The following DTNB variants were observed in gnomAD, a reference collection of about 807,000 sequenced individuals.
DTNB encodes the protein dystrobrevin beta.
Under a neutral mutation model 90.7 loss-of-function variants are expected in DTNB, and 63 were observed. The observed-to-expected ratio is 0.69, with a 90% CI of 0.57 to 0.86. The LOEUF (loss-of-function observed/expected upper bound fraction) is 0.86. DTNB is among the 40% of genes least tolerant of loss of function. The probability of loss-of-function intolerance (pLI) is 0.00; values close to 1 mark genes in which losing one functional copy is unlikely to be tolerated. For missense variants in DTNB, 744 were observed against 807.1 expected (o/e 0.92, Z 0.95); for synonymous variants, 277 against 286.7 (o/e 0.97, Z 0.34).
chr2:25,543,833 T>C (rs1430816513), intron 8 of DTNB, among the ~76,000 whole-genome samples: 1 of 152,258 alleles, frequency 6.6e-6, no homozygotes, highest in Non-Finnish European at 1.5e-5. Context: ...GTTGTTGCTG[T>C]TGTTAAAGTA....
chr2:25,417,958 G>T (rs955367905), intron 16 of DTNB, among the ~76,000 whole-genome samples: 5 of 152,164 alleles, frequency 3.3e-5, no homozygotes, highest in Non-Finnish European at 5.9e-5. Flanking sequence ...CATGTGATTT[G>T]CTCTGGCCAA....
At chr2:25,533,145 G>A (rs1338059244) in intron 8 of DTNB, among the ~76,000 whole-genome samples, 3 of 151,906 alleles carry the variant, frequency 2.0e-5, no homozygotes, top group African/African-American at 4.8e-5. Flanking sequence ...GCAACGTGGC[G>A]AAACCCGGTC....
chr2:25,469,696 C>G (rs1027528279), intron 10 of DTNB, among the ~76,000 whole-genome samples: 4 of 152,134 alleles, frequency 2.6e-5, no homozygotes, highest in African/African-American at 7.2e-5. Context: ...ATCTGTCTGG[C>G]CTCCCAAAGT....
At chr2:25,606,483 C>A (rs939457024) in intron 5 of DTNB, among the ~76,000 whole-genome samples, 2 of 151,996 alleles carry the variant, frequency 1.3e-5, no homozygotes, top group African/African-American at 4.8e-5. Flanking sequence ...GTTAACTCAT[C>A]GATAAAATGA....
chr2:25,585,599 GAAAAT>G (rs1460860943), intron 6 of DTNB, among the ~76,000 whole-genome samples: 6 of 152,096 alleles, frequency 3.9e-5, no homozygotes, highest in East Asian at 3.9e-4. Context: ...AATAACATGA[GAAAAT>G]AAAATAATTT....
intron 2 of DTNB, among the ~76,000 whole-genome samples, chr2:25,649,158 G>A (rs900703988): frequency 6.6e-6 from 1 of 151,792 alleles, no homozygotes; most frequent in Non-Finnish European, 1.5e-5. Flanking sequence ...GTGCCTGCCA[G>A]CACGCCCAGC....
intron 8 of DTNB, among the ~76,000 whole-genome samples, chr2:25,556,213 A>G (rs1052639271): frequency 7.9e-6 from 1 of 126,138 alleles, no homozygotes; most frequent in Non-Finnish European, 1.6e-5. Flanking sequence ...TAACGCTGCC[A>G]TGATACTCTA....
intron 10 of DTNB, among the ~76,000 whole-genome samples, chr2:25,467,273 T>C (rs571907331): frequency 6.6e-6 from 1 of 151,350 alleles, no homozygotes; most frequent in South Asian, 2.1e-4. Flanking sequence ...CTACTAAATT[T>C]GATGTAATCT....
chr2:25,669,739 G>A (rs896179265), intron 1 of DTNB, among the ~76,000 whole-genome samples: 59 of 152,176 alleles, frequency 3.9e-4, no homozygotes, highest in African/African-American at 1.3e-3. Flanking sequence ...TAATCCCAAC[G>A]CTTTGGGAGG....
At chr2:25,413,806 G>A (rs1352809724) in intron 16 of DTNB, among the ~76,000 whole-genome samples, 1 of 152,200 alleles carries the variant, frequency 6.6e-6, no homozygotes, top group African/African-American at 2.4e-5. Flanking sequence ...GTAATGGGAT[G>A]GCTGGGTCAA....
rs1558710017 is a variant in DTNB, at chr2:25,482,839, TG to T, written c.1035del (p.Met346TrpfsTer32). ...PPRPLTNMND[T>X]MVSHMSSGVP... ...ACTCCAGAGGACATGTGGCTAACCA[TG>T]GTGTCATTCATATTAGTCAGAGGGC... On this transcript the variant is annotated frameshift_variant, in exon 10 of 21. Coordinates refer to ENST00000406818, the MANE Select transcript of DTNB (RefSeq NM_021907.5). LOFTEE classifies it high-confidence loss of function. 6.2e-7 allele frequency: 1 copy of T among 1,612,162 alleles called. No individual in the cohort carries two copies. Among genetic ancestry groups the T allele is most frequent in the South Asian group, 1.1e-5 (1 of 91,016 alleles).
At chr2:25,645,806 T>C (rs1307740678) in intron 2 of DTNB, among the ~76,000 whole-genome samples, 3 of 152,144 alleles carry the variant, frequency 2.0e-5, no homozygotes, top group African/African-American at 4.8e-5. Context: ...AATATTCCAA[T>C]ACCCTCATAT....
intron 8 of DTNB, among the ~76,000 whole-genome samples, chr2:25,564,795 TTTC>T (rs2058771128): frequency 1.3e-5 from 2 of 152,350 alleles, no homozygotes; most frequent in South Asian, 4.1e-4. Context: ...ATGAACCTGT[TTTC>T]TTAATTTCAT....
intron 9 of DTNB, among the ~76,000 whole-genome samples, chr2:25,528,532 A>G (rs2077576280): frequency 6.6e-6 from 1 of 152,244 alleles, no homozygotes. Context: ...AAAATTCAAA[A>G]GAATCTGAGT....
At chr2:25,478,787 G>A (rs2064280765) in intron 10 of DTNB, among the ~76,000 whole-genome samples, 1 of 152,206 alleles carries the variant, frequency 6.6e-6, no homozygotes, top group Non-Finnish European at 1.5e-5. Flanking sequence ...CGCAATCCAG[G>A]ACACAAGAAT....
intron 16 of DTNB, among the ~76,000 whole-genome samples, chr2:25,391,912 G>T (rs1291378828): frequency 1.3e-5 from 2 of 152,112 alleles, no homozygotes; most frequent in Admixed American, 6.5e-5. Context: ...TTGGGATACG[G>T]AAAAAGTGAT....
intron 6 of DTNB, chr2:25,595,197 A>C (rs1341112524): frequency 1.3e-5 from 2 of 152,178 alleles, no homozygotes; most frequent in African/African-American, 4.8e-5. Flanking sequence ...TCCTATCAGG[A>C]GGCAGGCGGT....
intron 8 of DTNB, among the ~76,000 whole-genome samples, chr2:25,542,819 T>C (rs1381000331): frequency 1.3e-5 from 2 of 152,202 alleles, no homozygotes; most frequent in South Asian, 4.1e-4. Context: ...TCTTTTCTTA[T>C]CTTTTTATCC....
intron 18 of DTNB, 76 bp from the exon 19 acceptor site, chr2:25,383,965 T>G: frequency 6.2e-7 from 1 of 1,609,450 alleles, no homozygotes; most frequent in Non-Finnish European, 8.5e-7. Flanking sequence ...ACAAAGCAAC[T>G]GCTGAGGCTT....
Sources: gnomAD v4.1 joint callset for allele counts (sites outside exome capture counted in the v4.1 genomes callset) on GRCh38, gnomAD v4.1.1 for gene constraint, MANE v1.5 for transcripts, NCBI Gene and HGNC (gene_info 2026-07-23, HGNC 2026-07-21) for gene names.